CNBD1: variants seen among roughly 807,000 people sequenced by gnomAD.
CNBD1 encodes cyclic nucleotide-binding domain-containing protein 1.
In CNBD1, 71 loss-of-function variants were observed where a neutral mutation model predicts 54.4. The ratio of observed to expected loss-of-function variants is 1.30; its 90% confidence interval spans 1.08 to 1.59. The LOEUF (loss-of-function observed/expected upper bound fraction) is 1.59, where lower values mean the gene tolerates loss of function less well. CNBD1 is among the 40% of genes most tolerant of loss of function. The probability of loss-of-function intolerance (pLI) is 0.00; values close to 1 mark genes in which losing one functional copy is unlikely to be tolerated. For synonymous variants in CNBD1, 182 were observed against 170.7 expected, an observed-to-expected ratio of 1.07 and a Z score of -0.51; for missense variants, 659 against 518.0, an observed-to-expected ratio of 1.27 and a Z score of -2.64.
At chr8:87,279,619 T>C (rs181862968) in intron 6 of CNBD1, among the ~76,000 whole-genome samples, 45 of 151,414 alleles carry the variant, frequency 3.0e-4, no homozygotes, top group African/African-American at 1.0e-3. Context: ...TCATTAAAAA[T>C]AAAGATATTT....
At position 87,361,004 on chromosome 8, in the gene CNBD1, G is replaced by A. The variant is rs111902340; in HGVS notation, c.1303+7218G>A. On this transcript the variant is annotated intron_variant, in intron 10 of 10. Transcript: ENST00000518476. ...GCATTTCACCTTAATGATGAGATAAGTTATAGCCAAGATTATCCTTGTTAA... is the reference window on the plus strand; with the variant it reads ...GCATTTCACCTTAATGATGAGATAAATTATAGCCAAGATTATCCTTGTTAA... Among the ~76,000 whole-genome samples the A allele has an allele frequency of 5.4e-3, 826 of 151,918 alleles. 6 individuals carry two copies. The highest frequency in any genetic ancestry group is 0.019 in the African/African-American group (783 of 41,516).
intron 10 of CNBD1, among the ~76,000 whole-genome samples, chr8:87,357,891 G>A (rs1219287175): frequency 1.3e-5 from 2 of 152,094 alleles, no homozygotes; most frequent in Non-Finnish European, 2.9e-5. Context: ...GTGTTATTGA[G>A]GTAGACTCCT....
intron 4 of CNBD1, among the ~76,000 whole-genome samples, chr8:87,083,584 TC>T (rs1178818079): frequency 0.012 from 1,794 of 145,360 alleles, 31 homozygotes; most frequent in African/African-American, 0.042. Context: ...CCAATGTATT[TC>T]TTTTTTTTTT....
chr8:86,953,508 T>A (rs952055760), intron 4 of CNBD1, among the ~76,000 whole-genome samples: 2 of 152,196 alleles, frequency 1.3e-5, no homozygotes, highest in Non-Finnish European at 2.9e-5. Context: ...CCGTACAATT[T>A]TGGAACACAT....
chr8:87,012,394 G>A (rs1016384248), intron 4 of CNBD1, among the ~76,000 whole-genome samples: 2 of 152,002 alleles, frequency 1.3e-5, no homozygotes, highest in Non-Finnish European at 2.9e-5. Flanking sequence ...TATATATTTT[G>A]ACTTACTTTT....
intron 4 of CNBD1, among the ~76,000 whole-genome samples, chr8:87,044,212 GTTTTT>G (rs369697696): frequency 1.4e-5 from 2 of 144,840 alleles, no homozygotes; most frequent in African/African-American, 2.5e-5. Context: ...GTTTTTGTGG[GTTTTT>G]TTTTTGTTTT....
Position 87,353,650 on chromosome 8 carries a change from A to G in CNBD1, c.1167A>G (p.Lys389=). The G allele has an allele frequency of 5.0e-6, 8 of 1,584,970 alleles. No individual in the cohort carries two copies. The highest frequency in any genetic ancestry group is 6.0e-6 in the Non-Finnish European group (7 of 1,167,046). The change falls in exon 10 of 11, where the codon AAA becomes AAG. Residue 389 remains lysine, a synonymous_variant. Coordinates refer to ENST00000518476, the MANE Select transcript of CNBD1 (RefSeq NM_173538.3). ...LRSNKVKRSQ[K]LVYMGKLKEK... ...TTTTTTAACAGAAAAGATCTCAAAA[A>G]CTTGTTTATATGGGGAAACTTAAGG...
chr8:87,370,110 C>A (rs1364092848), intron 10 of CNBD1, among the ~76,000 whole-genome samples: 1 of 151,850 alleles, frequency 6.6e-6, no homozygotes, highest in Non-Finnish European at 1.5e-5. Flanking sequence ...GCCACATTTT[C>A]TTAATCCAGT....
Position 87,286,645 on chromosome 8 carries a change from A to T in CNBD1, c.1016A>T (p.Lys339Ile). 5.2e-6 allele frequency: 8 copies of T among 1,542,486 alleles called. No homozygotes were observed. Among genetic ancestry groups the T allele is most frequent in the Non-Finnish European group, 7.0e-6 (8 of 1,139,494 alleles). ...LSIYELIALL[K>I]WKKFPPGHVI... ...ATATATGAGCTAATTGCACTCCTTA[A>T]ATGGAAAAAATTTCCTCCAGGTCAT... Residue 339 changes from lysine (K) to isoleucine (I), a missense_variant, in exon 8 of 11, where the codon AAA becomes ATA. By Grantham distance (102) the Lys-to-Ile change is moderately radical (BLOSUM62 -3). Coordinates refer to ENST00000518476, the MANE Select transcript of CNBD1 (RefSeq NM_173538.3).
At chr8:87,424,052 G>C (rs1807995396) in intron 2 of CNBD1, among the ~76,000 whole-genome samples, 1 of 152,144 alleles carries the variant, frequency 6.6e-6, no homozygotes, top group East Asian at 1.9e-4. Flanking sequence ...AGATTTTCTA[G>C]TTTATTTGTG....
chr8:87,057,394 C>A (rs1339490047), intron 4 of CNBD1, among the ~76,000 whole-genome samples: 1 of 152,280 alleles, frequency 6.6e-6, no homozygotes, highest in East Asian at 1.9e-4. Flanking sequence ...ATGAGAACAG[C>A]ATGGGAGTCA....
At chr8:87,092,371 GTATGTGTGTGTGTGTATATA>G (rs1390677326) in intron 4 of CNBD1, among the ~76,000 whole-genome samples, 3 of 149,134 alleles carry the variant, frequency 2.0e-5, no homozygotes, top group South Asian at 2.1e-4. Context: ...GTGTGTGTAT[GTATGTGTGTGTGTGTATATA>G]TATGTGTGTG....
At chr8:87,072,502 G>C (rs1303976220) in intron 4 of CNBD1, among the ~76,000 whole-genome samples, 1 of 152,156 alleles carries the variant, frequency 6.6e-6, no homozygotes, top group Non-Finnish European at 1.5e-5. Context: ...GGCAGGCCTG[G>C]TGGTGAAGAA....
chr8:87,232,378 A>G (rs1022425322), intron 5 of CNBD1, among the ~76,000 whole-genome samples: 3 of 152,150 alleles, frequency 2.0e-5, no homozygotes, highest in African/African-American at 7.2e-5. Flanking sequence ...TGTATAATTT[A>G]TACTCCCAGT....
chr8:87,209,616 A>G (rs2130800122), intron 5 of CNBD1, among the ~76,000 whole-genome samples: 1 of 152,292 alleles, frequency 6.6e-6, no homozygotes. Context: ...TGATCTATAG[A>G]TTCAGTGCAT....
chr8:86,924,972 AAG>A (rs1350386407), intron 3 of CNBD1, among the ~76,000 whole-genome samples: 1 of 152,200 alleles, frequency 6.6e-6, no homozygotes, highest in African/African-American at 2.4e-5. Context: ...TGGAAATGTA[AAG>A]AGAAGACCTT....
chr8:87,167,802 G>C (rs1243144632), intron 4 of CNBD1, among the ~76,000 whole-genome samples: 1 of 151,928 alleles, frequency 6.6e-6, no homozygotes, highest in East Asian at 1.9e-4. Flanking sequence ...CACTTAACAG[G>C]AGTAATTCTG....
chr8:87,398,880 A>C (rs530148568), intron 2 of CNBD1, among the ~76,000 whole-genome samples: 1 of 152,164 alleles, frequency 6.6e-6, no homozygotes, highest in South Asian at 2.1e-4. Flanking sequence ...GACAGGCAGT[A>C]AATCTAAAAC....
At chr8:87,250,873 A>G (rs911907259) in intron 6 of CNBD1, among the ~76,000 whole-genome samples, 1 of 152,310 alleles carries the variant, frequency 6.6e-6, no homozygotes, top group East Asian at 1.9e-4. Context: ...TGGGTACAAA[A>G]CTACAATGGG....
Sources: gnomAD v4.1 joint callset for allele counts (sites outside exome capture counted in the v4.1 genomes callset) on GRCh38, gnomAD v4.1.1 for gene constraint, MANE v1.5 for transcripts, NCBI Gene and HGNC (gene_info 2026-07-23, HGNC 2026-07-21) for gene names.